The following MRPS22 variants were observed in gnomAD, a reference collection of about 807,000 sequenced individuals.
MRPS22 encodes the protein mitochondrial ribosomal protein S22.
Under a neutral mutation model 44.0 loss-of-function variants are expected in MRPS22, and 30 were observed. The observed-to-expected ratio is 0.68, with a 90% CI of 0.51 to 0.93. The LOEUF (loss-of-function observed/expected upper bound fraction) is 0.93, where lower values mean the gene tolerates loss of function less well. MRPS22 is among the 40% of genes least tolerant of loss of function. MRPS22 has a pLI of 0.00. For missense variants in MRPS22, 447 were observed against 447.8 expected (o/e 1.00, Z 0.02); for synonymous variants, 165 against 154.4 (o/e 1.07, Z -0.51).
At chr3:139,353,082 T>C (rs1474269547) in intron 6 of MRPS22, among the ~76,000 whole-genome samples, 1 of 152,188 alleles carries the variant, frequency 6.6e-6, no homozygotes, top group African/African-American at 2.4e-5. Flanking sequence ...GTTGCTGAAC[T>C]TTCCAGATAC....
At chr3:139,344,302 G>C in intron 1 of MRPS22, 104 bp downstream of exon 1, 2 of 1,262,084 alleles carry the variant, frequency 1.6e-6, no homozygotes, top group Non-Finnish European at 2.2e-6. Context: ...ACGTATCCTA[G>C]CGCTTCCTCA....
chr3:139,349,244 A>T (rs1027225327), intron 3 of MRPS22: 1 of 434,286 alleles, frequency 2.3e-6, no homozygotes, highest in South Asian at 1.7e-5. Flanking sequence ...AGGAACTTGG[A>T]ATTCAGGTTT....
intron 2 of MRPS22, 99 bp from the exon 3 acceptor site, chr3:139,348,061 T>C: frequency 8.0e-7 from 1 of 1,253,086 alleles, no homozygotes; most frequent in East Asian, 2.5e-5. Flanking sequence ...TTCTTTTCTA[T>C]GCAGGTTTTT....
At chr3:139,356,897 A>ATTTTC in intron 7 of MRPS22, 22 bp from the exon 8 acceptor site, 1 of 1,567,904 alleles carries the variant, frequency 6.4e-7, no homozygotes. Flanking sequence ...TTGTTTTAAA[A>ATTTTC]TTTTCTTTTT....
At position 139,350,330 on chromosome 3, in the gene MRPS22, G is replaced by T; in HGVS notation, c.648+8G>T. 2 of 1,613,702 alleles carry T rather than the reference G, an allele frequency of 1.2e-6. No homozygotes were observed. The highest frequency in any genetic ancestry group is 2.2e-5 in the South Asian group (2 of 90,998). The stretch of plus-strand genomic sequence containing the variant: ...AAGGAAGAAAATCTTAGGGTAAGGT[G>T]ACTTAGGTTTTATGTTTTAGAGCCA... On this transcript the variant is annotated splice_region_variant and intron_variant, in intron 4 of 7. Coordinates refer to ENST00000680020, the MANE Select transcript of MRPS22 (RefSeq NM_020191.4).
Position 139,351,021 on chromosome 3 carries a change from C to G in MRPS22, c.693C>G (p.Cys231Trp). ...GGCATGTTGATGTCCTCAATCTCTG[C>G]TTTGCCCAGTTTGAGCCAGATTCCA... ...QDRHVDVLNL[C>W]FAQFEPDSTE... Residue 231 changes from cysteine (C) to tryptophan (W), a missense_variant, in exon 5 of 8, where the codon TGC (cysteine) becomes TGG (tryptophan). By Grantham distance (215) the Cys-to-Trp change is radical. Coordinates refer to ENST00000680020, the MANE Select transcript of MRPS22 (RefSeq NM_020191.4). 1 of 1,614,114 alleles carries G rather than the reference C, an allele frequency of 6.2e-7. No individual in the cohort carries two copies. The highest frequency in any genetic ancestry group is 1.1e-5 in the South Asian group (1 of 91,074).
Position 139,355,800 on chromosome 3 carries a change from T to G in MRPS22, c.987+10T>G, listed in dbSNP as rs766440925. 1.2e-6 allele frequency: 2 copies of G among 1,602,340 alleles called. No homozygotes were observed. The highest frequency in any genetic ancestry group is 1.7e-6 in the Non-Finnish European group (2 of 1,169,496). ...AATAAATTTAATCAAGGTAAAGTTT[T>G]TTTTTCATATTGGTTGTTTTGTGGT... On this transcript the variant is annotated intron_variant, in intron 7 of 7. Coordinates refer to ENST00000680020, the MANE Select transcript of MRPS22 (RefSeq NM_020191.4).
chr3:139,348,423 A>T, intron 3 of MRPS22, 99 bp downstream of exon 3: 1 of 1,246,088 alleles, frequency 8.0e-7, no homozygotes. Flanking sequence ...ATGCGTCCAA[A>T]CCAGATTTCC....
rs1247739355 is a variant in MRPS22 at position 139,344,039 on chromosome 3, G to C, written c.13G>C (p.Gly5Arg). ...GCTTCTGATAATCATGGCGCCCCTC[G>C]GAACAACTGTATTGCTGTGGAGCCT... MAPL[G>R]TTVLLWSLLR... The change falls in exon 1 of 8, where the codon GGA (glycine) becomes CGA (arginine). Residue 5 changes from glycine to arginine, a missense_variant. Coordinates refer to ENST00000680020, the MANE Select transcript of MRPS22 (RefSeq NM_020191.4). 11 of 1,614,134 alleles carry C rather than the reference G, an allele frequency of 6.8e-6. No homozygotes were observed. Among genetic ancestry groups the C allele is most frequent in the Non-Finnish European group, 9.3e-6 (11 of 1,180,026 alleles).
rs1293056097 is a variant in MRPS22, at chr3:139,355,522, A to G, written c.879-160A>G. On this transcript the variant is annotated intron_variant, in intron 6 of 7. Transcript: ENST00000680020. ...AGGCCTAAATTAGTCAATTTTCCTG[A>G]AAATGCTTTTGAAACTGTAAAACTG... 4 of 688,830 alleles carry G rather than the reference A, an allele frequency of 5.8e-6. No homozygotes were observed. In the African/African-American group the frequency reaches 7.2e-5, roughly 12 times the overall value. 42.7% of individuals were successfully genotyped at this position (688,830 alleles called of 1,614,324 possible).
chr3:139,349,474 T>C (rs911243248), intron 3 of MRPS22: 4 of 260,122 alleles, frequency 1.5e-5, no homozygotes, highest in Admixed American at 1.0e-4. Flanking sequence ...GCTCCATGTA[T>C]GCCACTCCCG....
chr3:139,356,780 GA>G lies in MRPS22; in HGVS notation c.988-134del, dbSNP rs367629758. 3.6e-4 allele frequency: 233 copies of G among 648,776 alleles called. No individual in the cohort carries two copies. The African/African-American group carries it at 3.9e-3, about 11-fold the overall frequency. The allele number at this position is 648,776 out of a possible 1,614,324, so 40.2% of individuals were successfully genotyped here. A position where few individuals can be genotyped will look rare whatever the true frequency, so the allele number is the denominator to read the frequency against. ...TTTATTAATTATTGTATAATCGGGGGAAAAATTGTGAAATCTGAAAGCCCTT... is the reference window on the plus strand; with the variant it reads ...TTTATTAATTATTGTATAATCGGGGGAAAATTGTGAAATCTGAAAGCCCTT... On this transcript the variant is annotated intron_variant, in intron 7 of 7. Coordinates refer to ENST00000680020, the MANE Select transcript of MRPS22 (RefSeq NM_020191.4).
At chr3:139,356,143 G>A (rs1405422423) in intron 7 of MRPS22, among the ~76,000 whole-genome samples, 1 of 152,188 alleles carries the variant, frequency 6.6e-6, no homozygotes, top group African/African-American at 2.4e-5. Flanking sequence ...GGACTAAGTA[G>A]CACATGTCCC....
In MRPS22 at chr3:139,344,066, T is replaced by C. The variant is rs778069634; in HGVS notation, c.40T>C (p.Leu14=). 3.1e-6 allele frequency: 5 copies of C among 1,614,080 alleles called. No individual in the cohort carries two copies. In the African/African-American group the frequency reaches 6.7e-5, roughly 22 times the overall value. The change falls in exon 1 of 8, where the codon TTG becomes CTG. Residue 14 remains leucine, a synonymous_variant. Coordinates refer to ENST00000680020, the MANE Select transcript of MRPS22 (RefSeq NM_020191.4). ...LGTTVLLWSL[L]RSSPGVERVC... is the part of the protein sequence containing the mutation. ...AACAACTGTATTGCTGTGGAGCCTC[T>C]TGAGGAGTTCTCCGGGCGTGGAACG... is the stretch of plus-strand genomic sequence containing the variant.
chr3:139,355,454 C>T (rs1341365546), intron 6 of MRPS22: 3 of 566,196 alleles, frequency 5.3e-6, no homozygotes, highest in Non-Finnish European at 9.5e-6. Context: ...TTGGACACTT[C>T]CTGCAGTGAC....
intron 3 of MRPS22, chr3:139,349,490 GC>G (rs1941107486): frequency 4.4e-6 from 1 of 229,630 alleles, no homozygotes. Flanking sequence ...TCCCGGTATT[GC>G]AAAAAATTAT....
In MRPS22 at chr3:139,348,327, G is replaced by A. The variant is rs1389850017; in HGVS notation, c.504+3G>A. On this transcript the variant is annotated splice_donor_region_variant and intron_variant, in intron 3 of 7. Coordinates refer to ENST00000680020, the MANE Select transcript of MRPS22 (RefSeq NM_020191.4). ...TATCATATAGCATACCACACCGGGT[G>A]AGTATATGTCTAATCGCAAAATGAT... 6.2e-7 allele frequency: 1 copy of A among 1,613,430 alleles called. No homozygotes were observed. The highest frequency in any genetic ancestry group is 1.7e-5 in the Admixed American group (1 of 59,998).
chr3:139,351,194 T>C, intron 5 of MRPS22, 134 bp downstream of exon 5: 1 of 699,492 alleles, frequency 1.4e-6, no homozygotes, highest in Non-Finnish European at 2.6e-6. Context: ...ATCTATTGAG[T>C]ACAGTTGTGT....
intron 6 of MRPS22, 125 bp from the exon 7 acceptor site, chr3:139,355,557 C>T: frequency 2.4e-6 from 2 of 826,632 alleles, no homozygotes; most frequent in Non-Finnish European, 2.0e-6. Flanking sequence ...GAAGGTCCTT[C>T]CCCAATCCCT....
Sources: allele counts gnomAD v4.1 joint callset (sites outside exome capture counted in the v4.1 genomes callset), GRCh38; gene constraint gnomAD v4.1.1; transcripts MANE v1.5; gene names NCBI Gene and HGNC (gene_info 2026-07-23, HGNC 2026-07-21).